Variants in POLRMT observed in about 807,000 individuals in gnomAD.
The protein encoded by POLRMT is RNA polymerase mitochondrial.
Under a neutral mutation model 132.2 loss-of-function variants are expected in POLRMT, and 114 were observed. The observed-to-expected ratio is 0.86, with a 90% CI of 0.74 to 1.01. The LOEUF (loss-of-function observed/expected upper bound fraction) is 1.01, where lower values mean the gene tolerates loss of function less well. POLRMT is among the 50% of genes least tolerant of loss of function. The probability of loss-of-function intolerance (pLI) is 0.00; values close to 1 mark genes in which losing one functional copy is unlikely to be tolerated. For synonymous variants in POLRMT, 1,020 were observed against 773.4 expected, an observed-to-expected ratio of 1.32 and a Z score of -5.29; for missense variants, 2,003 against 1,729.1, an observed-to-expected ratio of 1.16 and a Z score of -2.81.
At chr19:628,631 T>TG (rs34236901) in intron 3 of POLRMT, among the ~76,000 whole-genome samples, 75,419 of 150,910 alleles carry the variant, frequency 0.5, 19,092 homozygotes, top group South Asian at 0.74. Context: ...TGAAGGATCA[T>TG]GGGGGGGGAG....
At chr19:619,426 G>A (rs564103587) in intron 13 of POLRMT, 130 bp from the exon 14 acceptor site, 136 of 1,347,164 alleles carry the variant, frequency 1.0e-4, no homozygotes, top group Admixed American at 4.9e-4. Context: ...GGGGCCTGGC[G>A]CCCACGCAGT....
chr19:618,980 TG>T lies in POLRMT; in HGVS notation c.3267+16del. ...GGGATGGTGGCACACTGGGGAGGGA[TG>T]GGGTGGTACACTGACCTTGACCTTG... On this transcript the variant is annotated intron_variant, in intron 15 of 20. Transcript: ENST00000588649. 1 of 1,543,766 alleles carries T rather than the reference TG, an allele frequency of 6.5e-7. No individual in the cohort carries two copies. The highest frequency in any genetic ancestry group is 2.3e-5 in the East Asian group (1 of 43,776).
Position 624,634 on chromosome 19 carries a change from G to A in POLRMT, c.1140+85C>T, listed in dbSNP as rs1984884912. 2.1e-6 allele frequency: 3 copies of A among 1,437,248 alleles called. No homozygotes were observed. The African/African-American group carries it at 4.3e-5, about 20-fold the overall frequency. 89.0% of individuals were successfully genotyped at this position (1,437,248 alleles called of 1,614,324 possible). On this transcript the variant is annotated intron_variant, in intron 5 of 20. Coordinates refer to ENST00000588649, the MANE Select transcript of POLRMT (RefSeq NM_005035.4). Reference sequence around the variant, plus strand: ...CCAGGTGAGCCCTGGGCACCGGGGAGGCCCATTGGTCTGAGCTGAGGCTCC... The same window carrying A: ...CCAGGTGAGCCCTGGGCACCGGGGAAGCCCATTGGTCTGAGCTGAGGCTCC...
rs1019772814 is a variant in POLRMT, at chr19:627,190, C to T, written c.823-1936G>A. ...TTTTTGAGACGGAGTCTCGCTCTGT[C>T]GCCCAGGCTGGAGTGCAGTGGCTCG... is the stretch of plus-strand genomic sequence containing the variant. On this transcript the variant is annotated intron_variant, in intron 3 of 20. Coordinates refer to ENST00000588649, the MANE Select transcript of POLRMT (RefSeq NM_005035.4). 1.1e-4 allele frequency among the ~76,000 whole-genome samples: 15 copies of T among 137,924 alleles called. No individual in the cohort carries two copies. In the East Asian group the frequency reaches 1.4e-3, roughly 13 times the overall value. The allele number at this position is 137,924 out of a possible 152,430, so 90.5% of individuals were successfully genotyped here.
In POLRMT at chr19:633,495, C is replaced by G. The variant is rs978772487; in HGVS notation, c.18G>C (p.Trp6Cys). MSALC[W>C]GRGAAGLKRA... ...GTTTGAGCCCCGCCGCTCCGCGGCC[C>G]CAGCAAAGTGCCGACATTACGCACG... The change falls in exon 1 of 21, where the codon TGG (tryptophan) becomes TGC (cysteine). Residue 6 changes from tryptophan to cysteine, a missense_variant. Coordinates refer to ENST00000588649, the MANE Select transcript of POLRMT (RefSeq NM_005035.4). The G allele has an allele frequency of 6.5e-7, 1 of 1,532,598 alleles. No homozygotes were observed. Among genetic ancestry groups the G allele is most frequent in the Non-Finnish European group, 8.8e-7 (1 of 1,136,176 alleles). 94.9% of individuals were successfully genotyped at this position (1,532,598 alleles called of 1,614,324 possible).
rs41554514 is a variant in POLRMT at position 623,743 on chromosome 19, G to A, written c.1141-140C>T. On this transcript the variant is annotated intron_variant, in intron 5 of 20. Transcript: ENST00000588649. ...CTATCGCTGACGCGGGGAAAGGCGGGCTGCGGGTAAAGTCAGTGCCAGCAG... is the reference window on the plus strand; with the variant it reads ...CTATCGCTGACGCGGGGAAAGGCGGACTGCGGGTAAAGTCAGTGCCAGCAG... 6,700 of 1,076,752 alleles carry A rather than the reference G, an allele frequency of 6.2e-3. 303 individuals carry two copies. In the African/African-American group the frequency reaches 0.097, roughly 16 times the overall value. The allele number at this position is 1,076,752 out of a possible 1,614,324, so 66.7% of individuals were successfully genotyped here.
chr19:623,410 G>A (rs563473420), intron 6 of POLRMT, 44 bp downstream of exon 6: 2 of 1,598,846 alleles, frequency 1.3e-6, no homozygotes, highest in Non-Finnish European at 1.7e-6. Flanking sequence ...CGCGACCCCG[G>A]CTCAGCCCCT....
In POLRMT at chr19:632,902, G is replaced by T; in HGVS notation, c.125C>A (p.Ser42Ter). 2.6e-6 allele frequency: 4 copies of T among 1,538,942 alleles called. No individual in the cohort carries two copies. Among genetic ancestry groups the T allele is most frequent in the Non-Finnish European group, 2.6e-6 (3 of 1,147,254 alleles). Residue 42 changes from serine to a stop codon, truncating the protein, a stop_gained, in exon 2 of 21, where the codon TCG (serine) becomes TAG (stop). Transcript: ENST00000588649. LOFTEE classifies it high-confidence loss of function. ...AGGVCGPRRS[S>*]SASPQEQDQD... Reference sequence around the variant, plus strand: ...GTCTTGCTCCTGGGGGCTGGCGGACGAGCTCCTCCTGGGGCCGCAGACGCC... The same window carrying T: ...GTCTTGCTCCTGGGGGCTGGCGGACTAGCTCCTCCTGGGGCCGCAGACGCC...
rs1356124888 is a variant in POLRMT, at chr19:619,356, C to T, written c.3067-60G>A. ...GGGCTGGCCCGTTCACGCCCTACTC[C>T]CCCCTATTTCAGAGCCACTGAGGCC... On this transcript the variant is annotated intron_variant, in intron 13 of 20. Coordinates refer to ENST00000588649, the MANE Select transcript of POLRMT (RefSeq NM_005035.4). The T allele has an allele frequency of 4.5e-6, 7 of 1,552,722 alleles. No homozygotes were observed. The Admixed American group carries it at 8.4e-5, about 19-fold the overall frequency.
Position 631,029 on chromosome 19 carries a change from T to G in POLRMT, c.194-861A>C, listed in dbSNP as rs1985375163. On this transcript the variant is annotated intron_variant, in intron 2 of 20. Coordinates refer to ENST00000588649, the MANE Select transcript of POLRMT (RefSeq NM_005035.4). ...AAAAAATTAGCTGGGCGTGGTGGCA[T>G]GTGTCTATAGTACCAGCTACTTGGG... is the stretch of plus-strand genomic sequence containing the variant. Among the ~76,000 whole-genome samples, 3 of 150,574 alleles carry G rather than the reference T, an allele frequency of 2.0e-5. No homozygotes were observed. The South Asian group carries it at 6.3e-4, about 32-fold the overall frequency.
In POLRMT at chr19:619,407, C is replaced by T. The variant is rs1207088179; in HGVS notation, c.3067-111G>A. 1.4e-5 allele frequency: 20 copies of T among 1,401,204 alleles called. No homozygotes were observed. In the Admixed American group the frequency reaches 1.5e-4, roughly 10 times the overall value. The allele number at this position is 1,401,204 out of a possible 1,614,324, so 86.8% of individuals were successfully genotyped here. ...CAAGGCCTAGGGCCTAGCAGGGGGG[C>T]AGGGGAATGGGGCCTGGCGCCCACG... is the stretch of plus-strand genomic sequence containing the variant. On this transcript the variant is annotated intron_variant, in intron 13 of 20. Coordinates refer to ENST00000588649, the MANE Select transcript of POLRMT (RefSeq NM_005035.4).
At chr19:630,396 C>G (rs12611142) in intron 2 of POLRMT, among the ~76,000 whole-genome samples, 14,462 of 152,158 alleles carry the variant, frequency 0.095, 895 homozygotes, top group East Asian at 0.26. Flanking sequence ...CAGAACTCAG[C>G]AGCCCTAACA....
rs973019239 is a variant in POLRMT, at chr19:619,279, G to C, written c.3084C>G (p.Ala1028=). 3.1e-6 allele frequency: 5 copies of C among 1,608,338 alleles called. No individual in the cohort carries two copies. The highest frequency in any genetic ancestry group is 4.5e-5 in the East Asian group (2 of 44,776). Residue 1028 remains alanine (A), a synonymous_variant, in exon 14 of 21, where the codon GCC becomes GCG. Transcript: ENST00000588649. ...SDFPQEFVWE[A]SHYLVRQVFK... ...AGACCTGGCGTACGAGATAGTGAGAGGCCTCCCACACGAACTCCTGCAGAG... is the reference window on the plus strand; with the variant it reads ...AGACCTGGCGTACGAGATAGTGAGACGCCTCCCACACGAACTCCTGCAGAG...
At position 623,467 on chromosome 19, in the gene POLRMT, T is replaced by C. The variant is rs770814053; in HGVS notation, c.1277A>G (p.Glu426Gly). The change falls in exon 6 of 21, where the codon GAG (glutamate) becomes GGG (glycine). Residue 426 changes from glutamate (E) to glycine (G), a missense_variant. Physicochemically the swap from Glu to Gly is moderately conservative, Grantham distance 98. Coordinates refer to ENST00000588649, the MANE Select transcript of POLRMT (RefSeq NM_005035.4). ...SVEKPTLPSK[E>G]VKHARKTLKT... is the part of the protein sequence containing the mutation. The stretch of plus-strand genomic sequence containing the variant: ...CTCAGCCCCTACCGCGTGCTTGACC[T>C]CCTTGCTTGGCAACGTGGGCTTCTC... 1.5e-5 allele frequency: 24 copies of C among 1,611,888 alleles called. No homozygotes were observed. The highest frequency in any genetic ancestry group is 2.0e-5 in the Non-Finnish European group (24 of 1,179,924).
chr19:622,539 C>G, intron 8 of POLRMT, 43 bp downstream of exon 8: 1 of 1,549,038 alleles, frequency 6.5e-7, no homozygotes, highest in Non-Finnish European at 8.7e-7. Context: ...AGCGCCCACC[C>G]ACCACTGGCC....
intron 5 of POLRMT, among the ~76,000 whole-genome samples, chr19:624,241 T>C (rs895269300): frequency 1.3e-5 from 2 of 152,134 alleles, no homozygotes; most frequent in Non-Finnish European, 2.9e-5. Flanking sequence ...TGGTCCCATT[T>C]CTATGGAATG....
chr19:623,438 C>T lies in POLRMT; in HGVS notation c.1290+16G>A, dbSNP rs1353129723. 1 of 1,609,724 alleles carries T rather than the reference C, an allele frequency of 6.2e-7. No homozygotes were observed. The highest frequency in any genetic ancestry group is 1.1e-5 in the South Asian group (1 of 90,986). On this transcript the variant is annotated intron_variant, in intron 6 of 20. Coordinates refer to ENST00000588649, the MANE Select transcript of POLRMT (RefSeq NM_005035.4). Reference sequence around the variant, plus strand: ...CAGCCCCTGCGGCGGACACGGGACCCCGGCTCAGCCCCTACCGCGTGCTTG... The same window carrying T: ...CAGCCCCTGCGGCGGACACGGGACCTCGGCTCAGCCCCTACCGCGTGCTTG...
chr19:621,207 G>C lies in POLRMT; in HGVS notation c.2491C>G (p.Arg831Gly). The change falls in exon 10 of 21, where the codon CGC (arginine) becomes GGC (glycine). Residue 831 changes from arginine (R) to glycine (G), a missense_variant. Transcript: ENST00000588649. ...TCCAGGCCGTGCGGGCCGAGCGGGC[G>C]GCCCTGGGCGAACTCCAGCAGGGCC... ...ARALLEFAQG[R>G]PLGPHGLDWL... is the part of the protein sequence containing the mutation. 1.2e-6 allele frequency: 2 copies of C among 1,610,284 alleles called. No individual in the cohort carries two copies. Among genetic ancestry groups the C allele is most frequent in the Non-Finnish European group, 1.7e-6 (2 of 1,178,450 alleles).
chr19:623,347 G>C (rs1432144369), intron 6 of POLRMT, 107 bp downstream of exon 6: 2 of 1,508,316 alleles, frequency 1.3e-6, no homozygotes, highest in Middle Eastern at 2.5e-4. Flanking sequence ...ACGCGACCCC[G>C]GCTCAGCCCC....
Sources: gnomAD v4.1 joint callset for allele counts (sites outside exome capture counted in the v4.1 genomes callset) on GRCh38, gnomAD v4.1.1 for gene constraint, MANE v1.5 for transcripts, NCBI Gene and HGNC (gene_info 2026-07-23, HGNC 2026-07-21) for gene names.